LHFPL2: variants seen among roughly 807,000 people sequenced by gnomAD.
The protein encoded by LHFPL2 is LHFPL tetraspan subfamily member 2 protein.
A neutral mutation model predicts 17.5 loss-of-function variants in LHFPL2; 7 were observed. The observed-to-expected ratio is 0.40, with a 90% CI of 0.23 to 0.75. LHFPL2 has a LOEUF of 0.75. LHFPL2 is among the 30% of genes least tolerant of loss of function. LHFPL2 has a pLI of 0.37. For synonymous variants in LHFPL2, 134 were observed against 116.2 expected, an observed-to-expected ratio of 1.15 and a Z score of -0.99; for missense variants, 241 against 294.8, an observed-to-expected ratio of 0.82 and a Z score of 1.34.
At chr5:78,625,777 G>C (rs187455149) in intron 2 of LHFPL2, 1 of 152,194 alleles carries the variant, frequency 6.6e-6, no homozygotes, top group Non-Finnish European at 1.5e-5. Flanking sequence ...AAGGTATGAA[G>C]GTGAACAAAC....
chr5:78,555,109 T>C (rs765896932), intron 3 of LHFPL2, among the ~76,000 whole-genome samples: 1 of 152,156 alleles, frequency 6.6e-6, no homozygotes, highest in Non-Finnish European at 1.5e-5. Context: ...AAAAAATGCA[T>C]ATTGAAATAT....
At chr5:78,603,435 A>T (rs900780550) in intron 2 of LHFPL2, among the ~76,000 whole-genome samples, 1 of 152,216 alleles carries the variant, frequency 6.6e-6, no homozygotes, top group South Asian at 2.1e-4. Context: ...CTTTCTCATT[A>T]TATGTCCTCA....
At chr5:78,606,582 T>C (rs1231350652) in intron 2 of LHFPL2, among the ~76,000 whole-genome samples, 1 of 152,204 alleles carries the variant, frequency 6.6e-6, no homozygotes, top group Non-Finnish European at 1.5e-5. Context: ...AATCCAGCTG[T>C]TTGCCGAGGG....
At chr5:78,502,104 A>AG (rs1298641510) in intron 4 of LHFPL2, among the ~76,000 whole-genome samples, 1 of 152,244 alleles carries the variant, frequency 6.6e-6, no homozygotes, top group Non-Finnish European at 1.5e-5. Flanking sequence ...ATAGTTGGCA[A>AG]GAAAAACACT....
rs1754217882 is a variant in LHFPL2, at chr5:78,485,779, TTCACATG to T, written c.*3111_*3117del. On this transcript the variant is annotated 3_prime_UTR_variant, in exon 5 of 5. Transcript: ENST00000380345. ...AAAAGGCAACATGGCAGCTTCACAT[TTCACATG>T]AAAGACTAGCATTAACTGGGCCTGG... is the stretch of plus-strand genomic sequence containing the variant. 6.6e-6 allele frequency: 1 copy of T among 152,630 alleles called. No individual in the cohort carries two copies. The highest frequency in any genetic ancestry group is 1.5e-5 in the Non-Finnish European group (1 of 68,042). The allele number at this position is 152,630 out of a possible 1,614,324, so 9.5% of individuals were successfully genotyped here.
At chr5:78,536,463 C>G (rs1755953845) in intron 3 of LHFPL2, among the ~76,000 whole-genome samples, 1 of 152,238 alleles carries the variant, frequency 6.6e-6, no homozygotes, top group Non-Finnish European at 1.5e-5. Flanking sequence ...CAAGAGACCA[C>G]AGAGCCCAGT....
At chr5:78,510,686 T>C (rs1755090833) in intron 3 of LHFPL2, among the ~76,000 whole-genome samples, 1 of 152,262 alleles carries the variant, frequency 6.6e-6, no homozygotes, top group South Asian at 2.1e-4. Flanking sequence ...ACTGTCCTGG[T>C]TGCTGCTGCA....
intron 2 of LHFPL2, among the ~76,000 whole-genome samples, chr5:78,594,561 TA>T (rs1356783847): frequency 6.6e-6 from 1 of 152,212 alleles, no homozygotes; most frequent in Non-Finnish European, 1.5e-5. Flanking sequence ...GCTATAAGCT[TA>T]AACTGGCACA....
At position 78,629,055 on chromosome 5, in the gene LHFPL2, T is replaced by C. The variant is rs76797774; in HGVS notation, c.-245+3209A>G. Among the ~76,000 whole-genome samples the C allele has an allele frequency of 6.0e-4, 91 of 152,300 alleles. No individual in the cohort carries two copies. The East Asian group carries it at 0.013, about 21-fold the overall frequency. Reference sequence around the variant, plus strand: ...GGAAAAGGAATCATAGAACGCAGAATATTTACTCTTTAACATTAAAAAAGA... The same window carrying C: ...GGAAAAGGAATCATAGAACGCAGAACATTTACTCTTTAACATTAAAAAAGA... On this transcript the variant is annotated intron_variant, in intron 2 of 4. Transcript: ENST00000380345.
rs1754339958 is a variant in LHFPL2 at position 78,488,854 on chromosome 5, C to A, written c.*43G>T. ...CAAATGATGAAACTGTGGACTGTTT[C>A]ACAAGATTACTCAAGGGAGAAAATG... On this transcript the variant is annotated 3_prime_UTR_variant, in exon 5 of 5. Coordinates refer to ENST00000380345, the MANE Select transcript of LHFPL2 (RefSeq NM_005779.3). 6.2e-7 allele frequency: 1 copy of A among 1,603,738 alleles called. No homozygotes were observed. The highest frequency in any genetic ancestry group is 1.1e-5 in the South Asian group (1 of 90,468).
At position 78,510,674 on chromosome 5, in the gene LHFPL2, G is replaced by A. The variant is rs560478486; in HGVS notation, c.-185-276C>T. On this transcript the variant is annotated intron_variant, in intron 3 of 4. Coordinates refer to ENST00000380345, the MANE Select transcript of LHFPL2 (RefSeq NM_005779.3). The stretch of plus-strand genomic sequence containing the variant: ...CCAGGTCCTGCTCCCAACCCAGGGG[G>A]CACTGTCCTGGTTGCTGCTGCACTT... 5.3e-5 allele frequency among the ~76,000 whole-genome samples: 8 copies of A among 152,380 alleles called. No individual in the cohort carries two copies. The South Asian group carries it at 1.7e-3, about 32-fold the overall frequency.
intron 4 of LHFPL2, chr5:78,494,671 T>A: frequency 4.6e-6 from 1 of 219,744 alleles, no homozygotes; most frequent in South Asian, 1.6e-4. Flanking sequence ...GTGCTCGCCC[T>A]CCCAATCAGC....
At chr5:78,592,099 A>G (rs1274384833) in intron 2 of LHFPL2, among the ~76,000 whole-genome samples, 1 of 152,228 alleles carries the variant, frequency 6.6e-6, no homozygotes, top group East Asian at 1.9e-4. Context: ...ACAGTCTTCA[A>G]TTAACAGGCA....
chr5:78,536,822 G>A (rs7728305), intron 3 of LHFPL2, among the ~76,000 whole-genome samples: 2,078 of 152,292 alleles, frequency 0.014, 41 homozygotes, highest in African/African-American at 0.047. Context: ...CAGCAAAAAC[G>A]TTATAGGATG....
intron 2 of LHFPL2, among the ~76,000 whole-genome samples, chr5:78,583,457 A>C (rs1402070546): frequency 3.0e-4 from 44 of 147,770 alleles, no homozygotes; most frequent in African/African-American, 9.7e-4. Context: ...TTCCTTCAGG[A>C]GCTCTTTTAG....
At chr5:78,586,045 A>G (rs1268440349) in intron 2 of LHFPL2, among the ~76,000 whole-genome samples, 1 of 152,228 alleles carries the variant, frequency 6.6e-6, no homozygotes. Flanking sequence ...GAGGAACAGC[A>G]CCAACCTTGA....
At chr5:78,533,020 C>G (rs935706265) in intron 3 of LHFPL2, among the ~76,000 whole-genome samples, 1 of 152,230 alleles carries the variant, frequency 6.6e-6, no homozygotes, top group African/African-American at 2.4e-5. Context: ...GGGACCATCT[C>G]TTGTCCTCTC....
In LHFPL2 at chr5:78,598,322, A is replaced by G. The variant is rs1334248454; in HGVS notation, c.-244-33451T>C. 3.3e-5 allele frequency among the ~76,000 whole-genome samples: 5 copies of G among 152,252 alleles called. No individual in the cohort carries two copies. The East Asian group carries it at 9.6e-4, about 29-fold the overall frequency. On this transcript the variant is annotated intron_variant, in intron 2 of 4. Transcript: ENST00000380345. Reference sequence around the variant, plus strand: ...ATAAGCCAAGCACATTTGAACATCAATGTGGAACAGGAAACCAAGGTGGGA... The same window carrying G: ...ATAAGCCAAGCACATTTGAACATCAGTGTGGAACAGGAAACCAAGGTGGGA...
intron 3 of LHFPL2, among the ~76,000 whole-genome samples, chr5:78,516,028 A>G (rs1755281254): frequency 6.6e-6 from 1 of 152,178 alleles, no homozygotes; most frequent in South Asian, 2.1e-4. Flanking sequence ...CCAAACATTC[A>G]GGTCCTTCTC....
Sources: allele counts gnomAD v4.1 joint callset (sites outside exome capture counted in the v4.1 genomes callset), GRCh38; gene constraint gnomAD v4.1.1; transcripts MANE v1.5; gene names NCBI Gene and HGNC (gene_info 2026-07-23, HGNC 2026-07-21).